The following CDH13 variants were observed in gnomAD, a reference collection of about 807,000 sequenced individuals.
CDH13 encodes the protein cadherin 13.
In CDH13, 24 loss-of-function variants were observed where a neutral mutation model predicts 63.8. The observed-to-expected ratio is 0.38, with a 90% confidence interval of 0.27 to 0.53. CDH13 has a LOEUF of 0.53. CDH13 is among the 20% of genes least tolerant of loss of function. CDH13 has a pLI of 0.85. For missense variants in CDH13, 1,049 were observed against 903.1 expected, an observed-to-expected ratio of 1.16 and a Z score of -2.07; for synonymous variants, 503 against 355.3, an observed-to-expected ratio of 1.42 and a Z score of -4.67.
intron 2 of CDH13, among the ~76,000 whole-genome samples, chr16:82,897,084 T>C (rs1348558166): frequency 2.6e-5 from 4 of 152,172 alleles, no homozygotes; most frequent in African/African-American, 9.7e-5. Context: ...CCTGCCACAC[T>C]GCTGTGCAAT....
At chr16:83,395,550 G>A (rs968927058) in intron 6 of CDH13, among the ~76,000 whole-genome samples, 1 of 152,100 alleles carries the variant, frequency 6.6e-6, no homozygotes, top group African/African-American at 2.4e-5. Context: ...TACTCTTCCA[G>A]AAGAGGCTCT....
chr16:82,937,430 C>T (rs574033607), intron 2 of CDH13, among the ~76,000 whole-genome samples: 3 of 151,548 alleles, frequency 2.0e-5, no homozygotes, highest in African/African-American at 7.3e-5. Flanking sequence ...CACACACACA[C>T]ACACACAGAC....
At chr16:83,400,685 T>G (rs2091954965) in intron 6 of CDH13, among the ~76,000 whole-genome samples, 2 of 152,330 alleles carry the variant, frequency 1.3e-5, no homozygotes, top group South Asian at 2.1e-4. Flanking sequence ...GATAGATCCC[T>G]GAAAACACAG....
At chr16:82,855,501 T>A (rs995882825) in intron 1 of CDH13, among the ~76,000 whole-genome samples, 9 of 152,178 alleles carry the variant, frequency 5.9e-5, no homozygotes, top group African/African-American at 2.2e-4. Context: ...CCTTGACCAT[T>A]TGCTATTTAA....
intron 1 of CDH13, among the ~76,000 whole-genome samples, chr16:82,846,922 A>G (rs1247348255): frequency 6.6e-6 from 1 of 152,236 alleles, no homozygotes; most frequent in African/African-American, 2.4e-5. Flanking sequence ...AAAATAAAAA[A>G]TGAGAGACAA....
rs148579275 is a variant in CDH13, at chr16:83,490,468, C to T, written c.960+3813C>T. Among the ~76,000 whole-genome samples, 876 of 152,330 alleles carry T rather than the reference C, an allele frequency of 5.8e-3. 4 individuals are homozygous for T. The highest frequency in any genetic ancestry group is 9.7e-3 in the Non-Finnish European group (657 of 68,030). Reference sequence around the variant, plus strand: ...TCCTTTCTTCTTCCCACCCTCCTCCCTTCCCAGGATGTCTCACATGGAGCC... The same window carrying T: ...TCCTTTCTTCTTCCCACCCTCCTCCTTTCCCAGGATGTCTCACATGGAGCC... On this transcript the variant is annotated intron_variant, in intron 7 of 13. Transcript: ENST00000567109.
chr16:82,860,373 T>TTG (rs140611405), intron 2 of CDH13, among the ~76,000 whole-genome samples: 4 of 51,962 alleles, frequency 7.7e-5, no homozygotes, highest in African/African-American at 8.1e-5. Flanking sequence ...AGTATCACAG[T>TTG]TGTGTGTGTG....
At chr16:83,536,191 G>A (rs987400337) in intron 7 of CDH13, among the ~76,000 whole-genome samples, 2 of 152,168 alleles carry the variant, frequency 1.3e-5, no homozygotes, top group Admixed American at 1.3e-4. Flanking sequence ...CGGCTATGGG[G>A]GAAAAATGAG....
chr16:82,717,643 T>C (rs2151016837), intron 1 of CDH13, among the ~76,000 whole-genome samples: 1 of 152,320 alleles, frequency 6.6e-6, no homozygotes, highest in African/African-American at 2.4e-5. Flanking sequence ...CCATGACCTT[T>C]TGTGTCCAAT....
At chr16:83,289,824 A>G (rs1458975721) in intron 5 of CDH13, among the ~76,000 whole-genome samples, 1 of 152,198 alleles carries the variant, frequency 6.6e-6, no homozygotes, top group Non-Finnish European at 1.5e-5. Flanking sequence ...TAGCCTGTAA[A>G]TGATACGTTC....
At chr16:83,649,837 C>T (rs902652936) in intron 8 of CDH13, among the ~76,000 whole-genome samples, 1 of 152,156 alleles carries the variant, frequency 6.6e-6, no homozygotes, top group Non-Finnish European at 1.5e-5. Context: ...AAGCACCCAG[C>T]CACCTGAGGA....
rs373504533 is a variant in CDH13 at position 82,825,087 on chromosome 16, G to T, written c.46-33275G>T. 1.5e-4 allele frequency: 23 copies of T among 152,214 alleles called. No individual in the cohort carries two copies. The East Asian group carries it at 2.9e-3, about 19-fold the overall frequency. The allele number at this position is 152,214 out of a possible 1,614,324, so 9.4% of individuals were successfully genotyped here. On this transcript the variant is annotated intron_variant, in intron 1 of 13. Transcript: ENST00000567109. The stretch of plus-strand genomic sequence containing the variant: ...AGTTTAATATTGAGGTTGAGCGATG[G>T]ATACAGAGAAGTTCATCATACGAAT...
At chr16:83,527,218 G>A (rs2074983730) in intron 7 of CDH13, among the ~76,000 whole-genome samples, 1 of 152,140 alleles carries the variant, frequency 6.6e-6, no homozygotes, top group African/African-American at 2.4e-5. Context: ...GGGAGGCTGA[G>A]GCAGGCAGAT....
At chr16:83,542,761 C>A (rs1200863482) in intron 7 of CDH13, among the ~76,000 whole-genome samples, 1 of 152,232 alleles carries the variant, frequency 6.6e-6, no homozygotes, top group Non-Finnish European at 1.5e-5. Context: ...TGTGTGTCTT[C>A]ACATTGTTTT....
At chr16:83,603,240 A>C (rs1322203956) in intron 8 of CDH13, among the ~76,000 whole-genome samples, 4 of 152,232 alleles carry the variant, frequency 2.6e-5, no homozygotes. Flanking sequence ...ATTCTGATGG[A>C]AATGTGCTAA....
At chr16:83,744,574 C>G (rs1430386016) in intron 10 of CDH13, among the ~76,000 whole-genome samples, 2 of 152,216 alleles carry the variant, frequency 1.3e-5, no homozygotes, top group Non-Finnish European at 2.9e-5. Context: ...CCCCTAGGCT[C>G]TGCTGAGTCG....
intron 6 of CDH13, among the ~76,000 whole-genome samples, chr16:83,351,593 G>A (rs145225829): frequency 2.3e-3 from 350 of 152,318 alleles, no homozygotes; most frequent in African/African-American, 7.2e-3. Flanking sequence ...CAAACAGCTA[G>A]AGTCTGGATC....
At chr16:83,557,198 C>T (rs2075622229) in intron 7 of CDH13, among the ~76,000 whole-genome samples, 1 of 152,064 alleles carries the variant, frequency 6.6e-6, no homozygotes, top group African/African-American at 2.4e-5. Flanking sequence ...GAATCTAATG[C>T]CTGATAGTCT....
intron 7 of CDH13, among the ~76,000 whole-genome samples, chr16:83,504,568 C>T (rs764563765): frequency 3.9e-5 from 6 of 152,242 alleles, no homozygotes; most frequent in Admixed American, 2.6e-4. Flanking sequence ...CTGGACTCCA[C>T]GTTTTGGGAT....
Sources: allele counts gnomAD v4.1 joint callset (sites outside exome capture counted in the v4.1 genomes callset), GRCh38; gene constraint gnomAD v4.1.1; transcripts MANE v1.5; gene names NCBI Gene and HGNC (gene_info 2026-07-23, HGNC 2026-07-21).